ANXA7: variants seen among roughly 807,000 people sequenced by gnomAD.
ANXA7 encodes the protein annexin VII.
ANXA7 carries 55 observed loss-of-function variants against 64.9 expected under a neutral mutation model. The observed-to-expected ratio is 0.85, with a 90% CI of 0.68 to 1.06. ANXA7 has a LOEUF of 1.06. Among genes scored for constraint, ANXA7 ranks in the 50% least tolerant of loss-of-function variants. The pLI, the probability that ANXA7 is intolerant of heterozygous loss-of-function variation, is 0.00. For missense variants in ANXA7, 548 were observed against 582.1 expected (o/e 0.94, Z 0.60); for synonymous variants, 200 against 192.4 (o/e 1.04, Z -0.33).
chr10:73,376,073 AT>A lies in ANXA7; in HGVS notation c.*21del. ...AAGCTATGAATAGAAATTTTTTTTC[AT>A]TAAAAAAAAAAAAATCCCTCCTACT... On this transcript the variant is annotated 3_prime_UTR_variant, in exon 13 of 13. Transcript: ENST00000372921. The A allele has an allele frequency of 6.6e-7, 1 of 1,512,848 alleles. No homozygotes were observed. 93.7% of individuals were successfully genotyped at this position (1,512,848 alleles called of 1,614,324 possible).
chr10:73,378,816 C>T, intron 12 of ANXA7, 95 bp downstream of exon 12: 2 of 874,408 alleles, frequency 2.3e-6, no homozygotes, highest in East Asian at 5.2e-5. Flanking sequence ...TCTTTCTTAT[C>T]ATTTTTGAGG....
At chr10:73,383,769 A>G in intron 7 of ANXA7, 79 bp from the exon 8 acceptor site, 1 of 921,154 alleles carries the variant, frequency 1.1e-6, no homozygotes, top group South Asian at 1.5e-5. Context: ...AAATACAAAA[A>G]AAGAAATGGA....
Position 73,377,904 on chromosome 10 carries a change from C to CGTGTGTGT in ANXA7, c.1278+999_1278+1006dup, listed in dbSNP as rs141696096. Among the ~76,000 whole-genome samples the CGTGTGTGT allele has an allele frequency of 1.7e-4, 20 of 119,374 alleles. 1 individual carries two copies. The highest frequency in any genetic ancestry group is 4.9e-4 in the African/African-American group (16 of 32,350). 78.3% of individuals were successfully genotyped at this position (119,374 alleles called of 152,430 possible). A position where few individuals can be genotyped will look rare whatever the true frequency, so the allele number is the denominator to read the frequency against. ...TGTTGCCCAGGCTACCACGCCCCGG[C>CGTGTGTGT]GTGTGTGTGTGTGTGTGTGTGTGTG... On this transcript the variant is annotated intron_variant, in intron 12 of 12. Coordinates refer to ENST00000372921, the MANE Select transcript of ANXA7 (RefSeq NM_001156.5).
intron 1 of ANXA7, among the ~76,000 whole-genome samples, chr10:73,401,767 G>A (rs2055670510): frequency 1.3e-5 from 2 of 152,076 alleles, no homozygotes; most frequent in Admixed American, 1.3e-4. Flanking sequence ...CTCCCAAAGT[G>A]CTGGGATTAC....
rs2055250138 is a variant in ANXA7, at chr10:73,380,077, G to C, written c.1043C>G (p.Thr348Arg). ...AGCTCTCAGCTGAGGAAAGCTTCTT[G>C]TGGCAAGGATCATGTTAAAGCAAGA... ...DESCFNMILA[T>R]RSFPQLRATM... The change falls in exon 10 of 13, where the codon ACA becomes AGA. Residue 348 changes from threonine to arginine, a missense_variant. Coordinates refer to ENST00000372921, the MANE Select transcript of ANXA7 (RefSeq NM_001156.5). The C allele has an allele frequency of 6.2e-7, 1 of 1,614,016 alleles. No individual in the cohort carries two copies. The highest frequency in any genetic ancestry group is 8.5e-7 in the Non-Finnish European group (1 of 1,180,038).
chr10:73,400,154 A>C (rs911714044), intron 2 of ANXA7, among the ~76,000 whole-genome samples: 1 of 152,130 alleles, frequency 6.6e-6, no homozygotes, highest in East Asian at 1.9e-4. Context: ...AAACACAAAC[A>C]AACAAACAAA....
At chr10:73,383,922 C>A (rs1273113986) in intron 7 of ANXA7, among the ~76,000 whole-genome samples, 1 of 152,068 alleles carries the variant, frequency 6.6e-6, no homozygotes, top group African/African-American at 2.4e-5. Flanking sequence ...GAGATCAAGA[C>A]CATCCTGGTT....
intron 5 of ANXA7, among the ~76,000 whole-genome samples, chr10:73,390,678 G>T (rs552540377): frequency 4.1e-4 from 58 of 140,270 alleles, no homozygotes; most frequent in Non-Finnish European, 7.9e-4. Context: ...CATTTTCTGT[G>T]ATTCTCTTTT....
At chr10:73,387,655 C>T (rs2055397297) in intron 7 of ANXA7, 34 bp downstream of exon 7, 1 of 1,489,880 alleles carries the variant, frequency 6.7e-7, no homozygotes, top group Non-Finnish European at 9.4e-7. Context: ...CTACCAGCCA[C>T]TGCTGGTGCT....
chr10:73,401,168 T>C (rs1427442707), intron 1 of ANXA7, among the ~76,000 whole-genome samples: 1 of 151,842 alleles, frequency 6.6e-6, no homozygotes, highest in East Asian at 1.9e-4. Context: ...CCTCCCAAAG[T>C]GCTGGGATTA....
chr10:73,398,513 G>A (rs533267063), intron 2 of ANXA7, 128 bp from the exon 3 acceptor site: 6 of 823,178 alleles, frequency 7.3e-6, no homozygotes, highest in Middle Eastern at 7.5e-4. Flanking sequence ...AGTCCCATTA[G>A]AAATCCTGGT....
At chr10:73,398,433 T>A in intron 2 of ANXA7, 48 bp from the exon 3 acceptor site, 1 of 1,509,826 alleles carries the variant, frequency 6.6e-7, no homozygotes, top group Non-Finnish European at 9.1e-7. Context: ...TAGAGAAATA[T>A]GACCCATCTA....
chr10:73,407,370 C>T (rs886896621), intron 1 of ANXA7, among the ~76,000 whole-genome samples: 1 of 152,210 alleles, frequency 6.6e-6, no homozygotes, highest in Admixed American at 6.5e-5. Flanking sequence ...AGCCACTGTA[C>T]CTGGCCTCAA....
intron 1 of ANXA7, 79 bp from the exon 2 acceptor site, chr10:73,400,936 C>T: frequency 7.8e-7 from 1 of 1,274,486 alleles, no homozygotes; most frequent in Non-Finnish European, 1.1e-6. Context: ...GAGACGGAGT[C>T]TCACTCTGTC....
At chr10:73,407,661 C>A (rs2055779591) in intron 1 of ANXA7, among the ~76,000 whole-genome samples, 1 of 152,208 alleles carries the variant, frequency 6.6e-6, no homozygotes, top group Non-Finnish European at 1.5e-5. Context: ...CAACTCAAGT[C>A]AACATTTATG....
At chr10:73,402,464 A>G (rs1488515983) in intron 1 of ANXA7, among the ~76,000 whole-genome samples, 1 of 152,162 alleles carries the variant, frequency 6.6e-6, no homozygotes, top group African/African-American at 2.4e-5. Context: ...AGCCTCTCAA[A>G]GTGCTGGGAT....
chr10:73,402,699 C>A (rs926967303), intron 1 of ANXA7, among the ~76,000 whole-genome samples: 1 of 152,174 alleles, frequency 6.6e-6, no homozygotes, highest in African/African-American at 2.4e-5. Context: ...TAACTTCTAA[C>A]CCTGTCCCTT....
In ANXA7 at chr10:73,398,249, C is replaced by G; in HGVS notation, c.191G>C (p.Gly64Ala). The G allele has an allele frequency of 6.2e-7, 1 of 1,614,046 alleles. No individual in the cohort carries two copies. Among genetic ancestry groups the G allele is most frequent in the Middle Eastern group, 1.7e-4 (1 of 6,038 alleles). ...ATAGCCTCCAGGGGCTGGATAACCT[C>G]CAGGCGCAGGGTAGCCTCCAGCTCC... ...YPGAGGYPAP[G>A]GYPAPGGYPG... Residue 64 changes from glycine to alanine, a missense_variant, in exon 3 of 13, where the codon GGA (glycine) becomes GCA (alanine). Gly to Ala is a moderately conservative substitution (Grantham distance 60). Transcript: ENST00000372921.
chr10:73,412,882 A>C (rs2055867347), intron 1 of ANXA7, among the ~76,000 whole-genome samples: 3 of 147,452 alleles, frequency 2.0e-5, no homozygotes, highest in Admixed American at 6.8e-5. Flanking sequence ...AACCACCTCC[A>C]CCCAGTGAGT....
Sources: allele counts gnomAD v4.1 joint callset (sites outside exome capture counted in the v4.1 genomes callset), GRCh38; gene constraint gnomAD v4.1.1; transcripts MANE v1.5; gene names NCBI Gene and HGNC (gene_info 2026-07-23, HGNC 2026-07-21).